The following HPSE2 variants were observed in gnomAD, a reference collection of about 807,000 sequenced individuals.
HPSE2 encodes heparanase 2 (inactive).
A neutral mutation model predicts 60.5 loss-of-function variants in HPSE2; 38 were observed. That is an observed-to-expected ratio of 0.63 (90% CI 0.48 to 0.82). The LOEUF is 0.82. Ranked by LOEUF, HPSE2 falls within the 40% of genes least tolerant of loss-of-function variation. The pLI, the probability that HPSE2 is intolerant of heterozygous loss-of-function variation, is 0.00. For missense variants in HPSE2, 713 were observed against 740.4 expected (o/e 0.96, Z 0.43); for synonymous variants, 295 against 293.2 (o/e 1.01, Z -0.06).
At chr10:98,720,089 T>C (rs902447144) in intron 5 of HPSE2, among the ~76,000 whole-genome samples, 5 of 151,908 alleles carry the variant, frequency 3.3e-5, no homozygotes, top group African/African-American at 1.2e-4. Context: ...AGAAATCACT[T>C]AGAATTAAAA....
intron 4 of HPSE2, among the ~76,000 whole-genome samples, chr10:98,739,001 T>C (rs1454606200): frequency 1.3e-5 from 2 of 152,196 alleles, no homozygotes; most frequent in Non-Finnish European, 1.5e-5. Context: ...TAAACCATTC[T>C]TCCATAAAGA....
rs549396513 is a variant in HPSE2 at position 98,902,742 on chromosome 10, T to C, written c.611-158686A>G. On this transcript the variant is annotated intron_variant, in intron 3 of 11. Transcript: ENST00000370552. The stretch of plus-strand genomic sequence containing the variant: ...AAAATTTTAAAACCCTACATACAAA[T>C]AATAAATTTTAGTTAATGATATGCA... Among the ~76,000 whole-genome samples, 36 of 152,248 alleles carry C rather than the reference T, an allele frequency of 2.4e-4. 1 individual carries two copies. In the South Asian group the frequency reaches 6.8e-3, roughly 29 times the overall value.
chr10:98,658,943 C>A (rs1004549716), intron 6 of HPSE2, among the ~76,000 whole-genome samples: 4 of 150,630 alleles, frequency 2.7e-5, no homozygotes, highest in African/African-American at 9.8e-5. Context: ...GAGATAAAAC[C>A]CACATAACAT....
chr10:98,459,729 G>C lies in HPSE2; in HGVS notation c.1624C>G (p.Leu542Val). 3 of 1,613,528 alleles carry C rather than the reference G, an allele frequency of 1.9e-6. No homozygotes were observed. The highest frequency in any genetic ancestry group is 2.5e-6 in the Non-Finnish European group (3 of 1,179,788). Residue 542 changes from leucine to valine, a missense_variant, in exon 12 of 12, where the codon CTG becomes GTG. Coordinates refer to ENST00000370552, the MANE Select transcript of HPSE2 (RefSeq NM_021828.5). Reference sequence around the variant, plus strand: ...ACCATCACTAAGGGCTGGCCATTCAGTTGCACTGACCTACAGTGAGGAAAA... The same window carrying C: ...ACCATCACTAAGGGCTGGCCATTCACTTGCACTGACCTACAGTGAGGAAAA... ...QEGLKSKSVQ[L>V]NGQPLVMVDD...
intron 9 of HPSE2, among the ~76,000 whole-genome samples, chr10:98,600,901 ATGTGTGTGTG>A (rs1465121274): frequency 1.0e-4 from 10 of 95,854 alleles, no homozygotes; most frequent in African/African-American, 2.0e-4. Flanking sequence ...ACGTATATAT[ATGTGTGTGTG>A]TATATATATA....
At chr10:99,084,224 G>A (rs1843243565) in intron 3 of HPSE2, among the ~76,000 whole-genome samples, 1 of 152,144 alleles carries the variant, frequency 6.6e-6, no homozygotes, top group Non-Finnish European at 1.5e-5. Flanking sequence ...GAATGCCACA[G>A]AGAAGCATTT....
chr10:98,677,640 A>T (rs981756248), intron 6 of HPSE2, among the ~76,000 whole-genome samples: 1 of 152,202 alleles, frequency 6.6e-6, no homozygotes, highest in African/African-American at 2.4e-5. Context: ...TCTCAAGGCC[A>T]CAAATCTACT....
rs755094294 is a variant in HPSE2 at position 98,518,569 on chromosome 10, G to A, written c.1321-28373C>T. Among the ~76,000 whole-genome samples, 172 of 152,100 alleles carry A rather than the reference G, an allele frequency of 1.1e-3. 1 individual carries two copies. Among genetic ancestry groups the A allele is most frequent in the Non-Finnish European group, 1.6e-3 (106 of 67,986 alleles). On this transcript the variant is annotated intron_variant, in intron 9 of 11. Transcript: ENST00000370552. ...AAAAATGAAAAAAAATTAGCTGGGC[G>A]TGGTGTGCGTGTCTGTAATCCCAGC...
intron 9 of HPSE2, among the ~76,000 whole-genome samples, chr10:98,596,904 G>A (rs1417906504): frequency 6.6e-6 from 1 of 152,146 alleles, no homozygotes; most frequent in Non-Finnish European, 1.5e-5. Flanking sequence ...ACATACCTGA[G>A]ACTGGGTAAT....
chr10:98,813,688 G>A (rs1252318), intron 3 of HPSE2, among the ~76,000 whole-genome samples: 121,983 of 152,098 alleles, frequency 0.8, 49,242 homozygotes, highest in Non-Finnish European at 0.83. Flanking sequence ...ATTTGTTACT[G>A]TCAGCACTTA....
chr10:99,174,368 C>T (rs532017028), intron 2 of HPSE2, among the ~76,000 whole-genome samples: 2 of 152,292 alleles, frequency 1.3e-5, no homozygotes, highest in African/African-American at 4.8e-5. Flanking sequence ...TCCTTAAAAA[C>T]TAACACAGGG....
chr10:99,043,906 G>C (rs921264720), intron 3 of HPSE2, among the ~76,000 whole-genome samples: 7 of 152,196 alleles, frequency 4.6e-5, no homozygotes, highest in African/African-American at 1.2e-4. Flanking sequence ...GCATTCCTGA[G>C]AGAGGAGAGA....
intron 3 of HPSE2, among the ~76,000 whole-genome samples, chr10:98,946,028 A>G (rs373894017): frequency 3.9e-5 from 6 of 152,280 alleles, no homozygotes; most frequent in African/African-American, 1.2e-4. Context: ...ATTTGAAAAA[A>G]CAGACAAACT....
At position 98,935,647 on chromosome 10, in the gene HPSE2, C is replaced by T. The variant is rs569497405; in HGVS notation, c.611-191591G>A. 5.3e-4 allele frequency among the ~76,000 whole-genome samples: 77 copies of T among 144,324 alleles called. 18 individuals are homozygous for T. The highest frequency in any genetic ancestry group is 2.0e-3 in the African/African-American group (72 of 35,730). 94.7% of individuals were successfully genotyped at this position (144,324 alleles called of 152,430 possible). A position where few individuals can be genotyped will look rare whatever the true frequency, so the allele number is the denominator to read the frequency against. On this transcript the variant is annotated intron_variant, in intron 3 of 11. Coordinates refer to ENST00000370552, the MANE Select transcript of HPSE2 (RefSeq NM_021828.5). ...AGAACAGCAAAGATTGCTGCCGGCT[C>T]CTTCCTCTGGAAGCTTCATCCCAGA...
At chr10:98,895,159 A>C (rs1357751217) in intron 3 of HPSE2, among the ~76,000 whole-genome samples, 1 of 152,000 alleles carries the variant, frequency 6.6e-6, no homozygotes, top group African/African-American at 2.4e-5. Flanking sequence ...TTAGGATTAC[A>C]AAAAAAATCA....
intron 3 of HPSE2, among the ~76,000 whole-genome samples, chr10:99,127,117 G>A (rs996677511): frequency 6.6e-6 from 1 of 152,082 alleles, no homozygotes; most frequent in Non-Finnish European, 1.5e-5. Context: ...GATCACACTA[G>A]CTCCCCAGCA....
intron 9 of HPSE2, among the ~76,000 whole-genome samples, chr10:98,574,774 T>C (rs1163197686): frequency 6.6e-6 from 1 of 152,168 alleles, no homozygotes; most frequent in Non-Finnish European, 1.5e-5. Context: ...GTAGGAAGAC[T>C]GAGGACTCTG....
chr10:98,558,403 T>TA (rs1944075220), intron 9 of HPSE2, among the ~76,000 whole-genome samples: 2 of 152,254 alleles, frequency 1.3e-5, no homozygotes, highest in Admixed American at 6.5e-5. Context: ...AATTGTGGTA[T>TA]ATTCAAGTGA....
intron 3 of HPSE2, among the ~76,000 whole-genome samples, chr10:99,057,390 T>C (rs1293689535): frequency 9.2e-5 from 14 of 152,136 alleles, no homozygotes; most frequent in Non-Finnish European, 2.1e-4. Flanking sequence ...AATCCTCCCA[T>C]TTAATACTCT....
Sources: gnomAD v4.1 joint callset for allele counts (sites outside exome capture counted in the v4.1 genomes callset) on GRCh38, gnomAD v4.1.1 for gene constraint, MANE v1.5 for transcripts, NCBI Gene and HGNC (gene_info 2026-07-23, HGNC 2026-07-21) for gene names.